The following ANKRD36B variants were observed in gnomAD, a reference collection of about 807,000 sequenced individuals.
ANKRD36B encodes the protein ankyrin repeat domain 36B.
Under a neutral mutation model 135.7 loss-of-function variants are expected in ANKRD36B, and 37 were observed. The ratio of observed to expected loss-of-function variants is 0.27; its 90% CI spans 0.21 to 0.36. The LOEUF (loss-of-function observed/expected upper bound fraction) is 0.36. ANKRD36B is among the 10% of genes least tolerant of loss of function. The pLI is 1.00. For missense variants in ANKRD36B, 549 were observed against 1,037.1 expected (o/e 0.53, Z 6.46); for synonymous variants, 179 against 348.1 (o/e 0.51, Z 5.41).
chr2:97,530,316 A>G (rs1444893637), intron 35 of ANKRD36B, among the ~76,000 whole-genome samples: 1 of 95,192 alleles, frequency 1.1e-5, no homozygotes, highest in East Asian at 2.3e-4. Flanking sequence ...AGGATTCCCT[A>G]TTTAATAAAT....
chr2:97,547,522 CTT>C lies in ANKRD36B; in HGVS notation c.1579+12_1579+13del, dbSNP rs768244617. 4 of 1,536,686 alleles carry C rather than the reference CTT, an allele frequency of 2.6e-6. No individual in the cohort carries two copies. In the African/African-American group the frequency reaches 5.5e-5, roughly 21 times the overall value. On this transcript the variant is annotated intron_variant, in intron 22 of 43. Transcript: ENST00000359901. ...CCGGACTGAACATGACATTAAATCT[CTT>C]TTCAAAATTACCTCTCCTAGTTTTT... is the stretch of plus-strand genomic sequence containing the variant.
In ANKRD36B at chr2:97,577,881, T is replaced by C. The variant is rs376291230; in HGVS notation, c.695+1025A>G. On this transcript the variant is annotated intron_variant, in intron 5 of 43. Transcript: ENST00000359901. ...GGAAGGATGGCATAGAAGCTTCCAC[T>C]ACCTGAGAAAAGCTCTTACGCTGTT... 1.0e-3 allele frequency among the ~76,000 whole-genome samples: 158 copies of C among 152,054 alleles called. 4 individuals are homozygous for C. The East Asian group carries it at 0.013, about 12-fold the overall frequency.
chr2:97,552,509 T>C (rs2080157068), intron 16 of ANKRD36B, among the ~76,000 whole-genome samples: 1 of 151,912 alleles, frequency 6.6e-6, no homozygotes. Context: ...AAAGGAGTAA[T>C]GAGTCAGTGT....
Position 97,576,445 on chromosome 2 carries a change from T to C in ANKRD36B, c.697A>G (p.Ile233Val), listed in dbSNP as rs2082243905. 2.6e-6 allele frequency: 3 copies of C among 1,158,966 alleles called. No homozygotes were observed. The South Asian group carries it at 4.5e-5, about 17-fold the overall frequency. The allele number at this position is 1,158,966 out of a possible 1,614,324, so 71.8% of individuals were successfully genotyped here. A position where few individuals can be genotyped will look rare whatever the true frequency, so the allele number is the denominator to read the frequency against. ...DYASEAENRV[I>V]FDLIYEYKRK... is the part of the protein sequence containing the mutation. ...TTGTATTCATAAATTAGATCAAAAA[T>C]GCTATGCATAAAAATAAATGAAATT... The change falls in exon 6 of 44, where the codon ATT (isoleucine) becomes GTT (valine). Residue 233 changes from isoleucine to valine, a missense_variant and splice_region_variant. Transcript: ENST00000359901.
Position 97,551,214 on chromosome 2 carries a change from C to A in ANKRD36B, c.1375+75G>T. 4 of 1,517,836 alleles carry A rather than the reference C, an allele frequency of 2.6e-6. No individual in the cohort carries two copies. In the East Asian group the frequency reaches 7.4e-5, roughly 28 times the overall value. 94.0% of individuals were successfully genotyped at this position (1,517,836 alleles called of 1,614,324 possible). A position where few individuals can be genotyped will look rare whatever the true frequency, so the allele number is the denominator to read the frequency against. ...TCAGAATGTGCAGCTTCGACCAGCCCCCCACTGATTTATTCGGGGAAGAGA... is the reference window on the plus strand; with the variant it reads ...TCAGAATGTGCAGCTTCGACCAGCCACCCACTGATTTATTCGGGGAAGAGA... On this transcript the variant is annotated intron_variant, in intron 18 of 43. Coordinates refer to ENST00000359901, the MANE Select transcript of ANKRD36B (RefSeq NM_001393939.1).
At chr2:97,527,290 T>TA (rs2078269080) in intron 35 of ANKRD36B, among the ~76,000 whole-genome samples, 1 of 94,968 alleles carries the variant, frequency 1.1e-5, no homozygotes, top group African/African-American at 3.2e-5. Context: ...CAGAATTTTG[T>TA]ACCCAGCCAA....
intron 10 of ANKRD36B, among the ~76,000 whole-genome samples, chr2:97,557,952 A>G (rs1353678676): frequency 6.6e-6 from 1 of 151,870 alleles, no homozygotes; most frequent in Admixed American, 6.6e-5. Flanking sequence ...TTAAAAGTCA[A>G]TTAATGAATT....
intron 2 of ANKRD36B, 22 bp downstream of exon 2, chr2:97,585,262 C>CAA (rs779222023): frequency 6.3e-7 from 1 of 1,586,434 alleles, no homozygotes; most frequent in Non-Finnish European, 8.6e-7. Context: ...ATCTCATGCT[C>CAA]AAAGAGTCAG....
chr2:97,555,170 T>C, intron 13 of ANKRD36B, 38 bp from the exon 14 acceptor site: 2 of 1,611,330 alleles, frequency 1.2e-6, no homozygotes, highest in Admixed American at 1.7e-5. Context: ...ATAAAGAAAG[T>C]ATGTTTCATG....
chr2:97,537,252 C>A (rs558001592), intron 32 of ANKRD36B, among the ~76,000 whole-genome samples: 1 of 96,244 alleles, frequency 1.0e-5, no homozygotes, highest in East Asian at 2.3e-4. Context: ...TAAACTTACA[C>A]ATTTGGAAAT....
At chr2:97,577,628 TTAC>T (rs1215842773) in intron 5 of ANKRD36B, among the ~76,000 whole-genome samples, 1 of 149,640 alleles carries the variant, frequency 6.7e-6, no homozygotes, top group Admixed American at 6.7e-5. Flanking sequence ...GCACAAAGCC[TTAC>T]TTTTACATAT....
rs550979408 is a variant in ANKRD36B, at chr2:97,528,100, AT to A, written c.2265+4210del. ...TCCACCCCAAATCAACAGAATATAC[AT>A]TTTTTTCAGCACCACACCACACCTA... is the stretch of plus-strand genomic sequence containing the variant. On this transcript the variant is annotated intron_variant, in intron 35 of 43. Coordinates refer to ENST00000359901, the MANE Select transcript of ANKRD36B (RefSeq NM_001393939.1). Among the ~76,000 whole-genome samples, 8 of 95,200 alleles carry A rather than the reference AT, an allele frequency of 8.4e-5. 1 individual carries two copies. The highest frequency in any genetic ancestry group is 2.5e-4 in the African/African-American group (8 of 31,568). 62.5% of individuals were successfully genotyped at this position (95,200 alleles called of 152,430 possible).
intron 35 of ANKRD36B, among the ~76,000 whole-genome samples, chr2:97,525,558 A>G (rs1457912066): frequency 5.2e-5 from 5 of 95,984 alleles, no homozygotes; most frequent in Admixed American, 4.6e-4. Context: ...GGTGCAGGAT[A>G]GTGGGTGCAG....
In ANKRD36B at chr2:97,533,837, T is replaced by C. The variant is rs531650798; in HGVS notation, c.2192-1453A>G. Reference sequence around the variant, plus strand: ...CTTTGGGAGGCTGAAGTGGGTGGATTACAAGGTCAGGAGGTCGAGACCAGC... The same window carrying C: ...CTTTGGGAGGCTGAAGTGGGTGGATCACAAGGTCAGGAGGTCGAGACCAGC... On this transcript the variant is annotated intron_variant, in intron 34 of 43. Coordinates refer to ENST00000359901, the MANE Select transcript of ANKRD36B (RefSeq NM_001393939.1). Among the ~76,000 whole-genome samples, 32 of 95,122 alleles carry C rather than the reference T, an allele frequency of 3.4e-4. 7 individuals carry two copies. Among genetic ancestry groups the C allele is most frequent in the African/African-American group, 9.4e-4 (30 of 31,758 alleles). 62.4% of individuals were successfully genotyped at this position (95,122 alleles called of 152,430 possible). A position where few individuals can be genotyped will look rare whatever the true frequency, so the allele number is the denominator to read the frequency against.
In ANKRD36B at chr2:97,572,594, T is replaced by C. The variant is rs544237062; in HGVS notation, c.763+3785A>G. 2.5e-3 allele frequency among the ~76,000 whole-genome samples: 376 copies of C among 150,284 alleles called. 1 individual carries two copies. The highest frequency in any genetic ancestry group is 8.8e-3 in the African/African-American group (360 of 41,106). On this transcript the variant is annotated intron_variant, in intron 6 of 43. Coordinates refer to ENST00000359901, the MANE Select transcript of ANKRD36B (RefSeq NM_001393939.1). Reference sequence around the variant, plus strand: ...TTACACTGTCACTGTGCTAAAGATATAAAGAAGTTTAGCATTAAAGATTAA... The same window carrying C: ...TTACACTGTCACTGTGCTAAAGATACAAAGAAGTTTAGCATTAAAGATTAA...
chr2:97,508,749 T>C (rs1402807464), intron 40 of ANKRD36B, among the ~76,000 whole-genome samples: 2 of 108,086 alleles, frequency 1.9e-5, no homozygotes, highest in African/African-American at 5.0e-5. Flanking sequence ...TCCCATTGAA[T>C]AGCAGGACTC....
chr2:97,530,824 A>G (rs2078538827), intron 35 of ANKRD36B, among the ~76,000 whole-genome samples: 1 of 98,036 alleles, frequency 1.0e-5, no homozygotes, highest in Non-Finnish European at 2.7e-5. Flanking sequence ...ATCACTGGCC[A>G]TCAGAGAAAT....
Position 97,560,697 on chromosome 2 carries a change from G to A in ANKRD36B, c.833C>T (p.Thr278Ile), listed in dbSNP as rs755910024. 2.5e-6 allele frequency: 4 copies of A among 1,603,438 alleles called. No individual in the cohort carries two copies. The South Asian group carries it at 4.4e-5, about 18-fold the overall frequency. ...AGATATAGGTCCCTCCTTTATTTCT[G>A]TGGCTATATTTGAAACAGAATCTTT... ...DDKDSVSNIA[T>I]EIKEGPISGT... Residue 278 changes from threonine to isoleucine, a missense_variant, in exon 8 of 44, where the codon ACA becomes ATA. Transcript: ENST00000359901.
chr2:97,574,113 G>A (rs926658412), intron 6 of ANKRD36B, among the ~76,000 whole-genome samples: 32 of 152,254 alleles, frequency 2.1e-4, no homozygotes, highest in African/African-American at 7.7e-4. Context: ...CCTACGGAAT[G>A]GGAGAAAATT....
Sources: gnomAD v4.1 joint callset for allele counts (sites outside exome capture counted in the v4.1 genomes callset) on GRCh38, gnomAD v4.1.1 for gene constraint, MANE v1.5 for transcripts, NCBI Gene and HGNC (gene_info 2026-07-23, HGNC 2026-07-21) for gene names.